The following ATAD3B variants were observed in gnomAD, a reference collection of about 807,000 sequenced individuals.
The protein encoded by ATAD3B is ATPase family AAA domain-containing protein 3B.
ATAD3B carries 59 observed loss-of-function variants against 70.2 expected under a neutral mutation model. The ratio of observed to expected loss-of-function variants is 0.84; its 90% CI spans 0.68 to 1.04. The LOEUF (loss-of-function observed/expected upper bound fraction) is 1.04, where lower values mean the gene tolerates loss of function less well. ATAD3B is among the 50% of genes least tolerant of loss of function. The probability of loss-of-function intolerance (pLI) is 0.00; values close to 1 mark genes in which losing one functional copy is unlikely to be tolerated. For missense variants in ATAD3B, 961 were observed against 913.4 expected, an observed-to-expected ratio of 1.05 and a Z score of -0.67; for synonymous variants, 423 against 388.6, an observed-to-expected ratio of 1.09 and a Z score of -1.04.
Position 1,495,730 on chromosome 1 carries a change from G to A in ATAD3B, c.1860G>A (p.Gly620=), listed in dbSNP as rs758359599. 13 of 1,613,118 alleles carry A rather than the reference G, an allele frequency of 8.1e-6. No homozygotes were observed. In the South Asian group the frequency reaches 1.4e-4, roughly 18 times the overall value. Residue 620 remains glycine (G), a synonymous_variant, in exon 16 of 16, where the codon GGG becomes GGA. Coordinates refer to ENST00000673477, the MANE Select transcript of ATAD3B (RefSeq NM_031921.6). ...PCTFRICSWM[G]TGLCPGPLSP... is the part of the protein sequence containing the mutation. ...CATTTAGGATATGCTCCTGGATGGGGACTGGGCTGTGCCCAGGGCCTCTGT... is the reference window on the plus strand; with the variant it reads ...CATTTAGGATATGCTCCTGGATGGGAACTGGGCTGTGCCCAGGGCCTCTGT...
At chr1:1,509,030 T>C in the ATAD3B span, among the ~76,000 whole-genome samples, 1 of 151,808 alleles carries the variant, frequency 6.6e-6, no homozygotes, top group South Asian at 2.1e-4. Flanking sequence ...CTGCAGGGGC[T>C]GCCCCCGGTG....
chr1:1,481,003 CTG>C lies in ATAD3B; in HGVS notation c.514+68_514+69del. ...GCTGCTTGTGGATCCGGCGTGCACTCTGAGCCTGAGTTCTGCCGCCCGGCCCC... is the reference window on the plus strand; with the variant it reads ...GCTGCTTGTGGATCCGGCGTGCACTCAGCCTGAGTTCTGCCGCCCGGCCCC... On this transcript the variant is annotated intron_variant, in intron 5 of 15. Transcript: ENST00000673477. The C allele has an allele frequency of 1.9e-6, 3 of 1,569,328 alleles. 1 individual carries two copies. Among genetic ancestry groups the C allele is most frequent in the Non-Finnish European group, 2.6e-6 (3 of 1,165,204 alleles).
At chr1:1,473,296 C>T (rs1218331393) in intron 1 of ATAD3B, among the ~76,000 whole-genome samples, 3 of 151,458 alleles carry the variant, frequency 2.0e-5, no homozygotes, top group South Asian at 2.1e-4. Flanking sequence ...CCCGCCACCA[C>T]GCCCGGCTAA....
At chr1:1,498,426 A>G (rs988267144), downstream of ATAD3B, among the ~76,000 whole-genome samples, 44 of 151,894 alleles carry the variant, frequency 2.9e-4, no homozygotes, top group Non-Finnish European at 5.3e-4. Flanking sequence ...GCACCACTGC[A>G]CTCCAGCCTG....
chr1:1,505,445 G>A, the ATAD3B span, among the ~76,000 whole-genome samples: 52 of 152,320 alleles, frequency 3.4e-4, no homozygotes, highest in Non-Finnish European at 6.5e-4. Flanking sequence ...TTAGGCCTTC[G>A]GATAACTGTG....
the ATAD3B span, among the ~76,000 whole-genome samples, chr1:1,504,656 C>CA: frequency 5.1e-4 from 67 of 131,504 alleles, 1 homozygote; most frequent in South Asian, 1.2e-3. Context: ...GTCTCAAAAA[C>CA]AAAAAAAAAA....
At chr1:1,473,025 A>C (rs1213008955) in intron 1 of ATAD3B, among the ~76,000 whole-genome samples, 1 of 149,692 alleles carries the variant, frequency 6.7e-6, no homozygotes, top group African/African-American at 2.5e-5. Context: ...GGGTTTCACC[A>C]TGTTGGCCAG....
intron 4 of ATAD3B, among the ~76,000 whole-genome samples, chr1:1,479,372 GCACA>G (rs1203802662): frequency 2.8e-5 from 4 of 144,152 alleles, no homozygotes; most frequent in Admixed American, 2.1e-4. Flanking sequence ...CGGCAGACAG[GCACA>G]CACACCCCTG....
Position 1,495,495 on chromosome 1 carries a change from A to G in ATAD3B, c.1625A>G (p.Tyr542Cys), listed in dbSNP as rs755655128. 5.6e-5 allele frequency: 90 copies of G among 1,606,820 alleles called. 1 individual carries two copies. The highest frequency in any genetic ancestry group is 4.7e-4 in the Admixed American group (28 of 59,638). The change falls in exon 16 of 16, where the codon TAT becomes TGT. Residue 542 changes from tyrosine to cysteine, a missense_variant. Tyr to Cys is a radical substitution (Grantham distance 194). Coordinates refer to ENST00000673477, the MANE Select transcript of ATAD3B (RefSeq NM_031921.6). ...QLAVSWQATA[Y>C]ASKDGVLTEA... ...CTCTCTCTTCACTAGGCCACGGCAT[A>G]TGCCTCCAAGGACGGGGTCCTCACT... is the stretch of plus-strand genomic sequence containing the variant.
chr1:1,478,332 G>A, intron 2 of ATAD3B: 2 of 1,207,118 alleles, frequency 1.7e-6, no homozygotes, highest in Non-Finnish European at 2.3e-6. Flanking sequence ...CACGAGCTCT[G>A]CCCTCATCAC....
Position 1,485,824 on chromosome 1 carries a change from G to A in ATAD3B, c.949G>A (p.Gly317Ser). ...CAGTCGACCCCAGGACGTGCTGGAGGGTGTTGTGCTTAGTGTAAGTCGGTG... is the reference window on the plus strand; with the variant it reads ...CAGTCGACCCCAGGACGTGCTGGAGAGTGTTGTGCTTAGTGTAAGTCGGTG... ...LLSRPQDVLE[G>S]VVLSPSLEAR... Residue 317 changes from glycine to serine, a missense_variant, in exon 9 of 16, where the codon GGT (glycine) becomes AGT (serine). Coordinates refer to ENST00000673477, the MANE Select transcript of ATAD3B (RefSeq NM_031921.6). The A allele has an allele frequency of 6.2e-7, 1 of 1,613,118 alleles. No homozygotes were observed. The highest frequency in any genetic ancestry group is 8.5e-7 in the Non-Finnish European group (1 of 1,179,490).
intron 13 of ATAD3B, 61 bp downstream of exon 13, chr1:1,489,335 T>C: frequency 1.2e-6 from 2 of 1,609,462 alleles, no homozygotes; most frequent in Non-Finnish European, 1.7e-6. Context: ...CGCCCTTGGT[T>C]CCCACTGAGG....
chr1:1,476,492 A>T (rs893157673), intron 1 of ATAD3B, among the ~76,000 whole-genome samples: 6 of 150,844 alleles, frequency 4.0e-5, no homozygotes, highest in Non-Finnish European at 7.4e-5. Flanking sequence ...TGCCTACTTT[A>T]CACGTCTTTC....
chr1:1,499,778 G>C (rs1370949225), downstream of ATAD3B, among the ~76,000 whole-genome samples: 1 of 150,438 alleles, frequency 6.6e-6, no homozygotes, highest in African/African-American at 2.5e-5. Flanking sequence ...ATTTTTAGTA[G>C]AGATGGGGTT....
At chr1:1,490,973 G>T (rs1382264650) in intron 15 of ATAD3B, among the ~76,000 whole-genome samples, 1 of 151,966 alleles carries the variant, frequency 6.6e-6, no homozygotes, top group Non-Finnish European at 1.5e-5. Flanking sequence ...GAGGTTTCTG[G>T]CTCTCATCTT....
intron 11 of ATAD3B, among the ~76,000 whole-genome samples, chr1:1,487,608 G>T (rs950509725): frequency 6.6e-6 from 1 of 151,908 alleles, no homozygotes; most frequent in Admixed American, 6.6e-5. Flanking sequence ...TGGTGTGTGG[G>T]TGAAACCTGC....
intron 2 of ATAD3B, chr1:1,478,101 A>C (rs1639692683): frequency 5.1e-6 from 1 of 196,560 alleles, no homozygotes; most frequent in East Asian, 1.3e-4. Context: ...TCCCGGGTTC[A>C]ACCTCCTGCC....
chr1:1,472,346 GGGGTCA>G (rs1213546002), intron 1 of ATAD3B, among the ~76,000 whole-genome samples: 1 of 151,974 alleles, frequency 6.6e-6, no homozygotes, highest in Non-Finnish European at 1.5e-5. Flanking sequence ...ATAGGTTACA[GGGGTCA>G]GGGTCTGGGG....
intron 1 of ATAD3B, among the ~76,000 whole-genome samples, chr1:1,475,635 G>A (rs906799037): frequency 8.6e-5 from 13 of 151,852 alleles, no homozygotes; most frequent in Admixed American, 3.3e-4. Context: ...CATTATCCCA[G>A]AACTGTCTGT....
Sources: allele counts gnomAD v4.1 joint callset (sites outside exome capture counted in the v4.1 genomes callset), GRCh38; gene constraint gnomAD v4.1.1; transcripts MANE v1.5; gene names NCBI Gene and HGNC (gene_info 2026-07-23, HGNC 2026-07-21).